Variants in GNA14 observed in about 807,000 individuals in gnomAD.
GNA14 encodes the protein guanine nucleotide-binding protein subunit alpha-14.
Under a neutral mutation model 42.0 loss-of-function variants are expected in GNA14, and 50 were observed. The observed-to-expected ratio is 1.19, with a 90% CI of 0.95 to 1.51. The LOEUF (loss-of-function observed/expected upper bound fraction) is 1.51. Ranked by LOEUF, GNA14 falls within the 40% of genes most tolerant of loss-of-function variation. GNA14 has a pLI of 0.00. For synonymous variants in GNA14, 173 were observed against 163.1 expected (o/e 1.06, Z -0.46); for missense variants, 473 against 446.2 (o/e 1.06, Z -0.54).
intron 2 of GNA14, among the ~76,000 whole-genome samples, chr9:77,444,401 A>G (rs1450106096): frequency 2.0e-5 from 3 of 152,192 alleles, no homozygotes; most frequent in Non-Finnish European, 4.4e-5. Context: ...AGGCACATGT[A>G]CAGATCTGTG....
intron 1 of GNA14, among the ~76,000 whole-genome samples, chr9:77,565,069 A>G (rs1337584256): frequency 1.3e-5 from 2 of 152,232 alleles, no homozygotes; most frequent in Non-Finnish European, 2.9e-5. Context: ...ACTTAACAGT[A>G]TGCCTCTGAG....
intron 1 of GNA14, among the ~76,000 whole-genome samples, chr9:77,553,260 A>C (rs1837807847): frequency 6.6e-6 from 1 of 152,158 alleles, no homozygotes; most frequent in South Asian, 2.1e-4. Flanking sequence ...TGCAAGAGAC[A>C]GGGAGAGAGT....
intron 2 of GNA14, among the ~76,000 whole-genome samples, chr9:77,493,136 G>A (rs1222019652): frequency 6.6e-6 from 1 of 150,646 alleles, no homozygotes; most frequent in Non-Finnish European, 1.5e-5. Context: ...GGGCACCGTG[G>A]GGCATAGGAC....
At chr9:77,543,636 T>C (rs1223522871) in intron 1 of GNA14, among the ~76,000 whole-genome samples, 2 of 152,206 alleles carry the variant, frequency 1.3e-5, no homozygotes, top group Non-Finnish European at 2.9e-5. Context: ...TGTGGAGCCC[T>C]GAGGGGATCA....
At position 77,423,970 on chromosome 9, in the gene GNA14, C is replaced by T. The variant is rs761981820; in HGVS notation, c.*9G>A. 6.4e-7 allele frequency: 1 copy of T among 1,564,700 alleles called. No individual in the cohort carries two copies. ...TCTTCTGTTATAGGGGAGGAGTGGG[C>T]AGCAGCTTTTAGACAAGGTTGAATT... On this transcript the variant is annotated 3_prime_UTR_variant, in exon 7 of 7. Transcript: ENST00000341700.
intron 2 of GNA14, among the ~76,000 whole-genome samples, chr9:77,495,018 T>C (rs1666195306): frequency 6.6e-6 from 1 of 152,210 alleles, no homozygotes; most frequent in Non-Finnish European, 1.5e-5. Context: ...CAGACTGGTC[T>C]TGAACTCCTG....
At chr9:77,608,698 T>A (rs1823677738) in intron 1 of GNA14, among the ~76,000 whole-genome samples, 1 of 151,526 alleles carries the variant, frequency 6.6e-6, no homozygotes, top group Non-Finnish European at 1.5e-5. Flanking sequence ...GGCCCCATCA[T>A]CCTATCCTGA....
chr9:77,467,351 G>A (rs938343111), intron 2 of GNA14, among the ~76,000 whole-genome samples: 5 of 151,816 alleles, frequency 3.3e-5, no homozygotes, highest in African/African-American at 1.2e-4. Flanking sequence ...AGATCTATGT[G>A]GCTTGGAGAA....
At chr9:77,480,299 T>C (rs1032167204) in intron 2 of GNA14, among the ~76,000 whole-genome samples, 1 of 152,216 alleles carries the variant, frequency 6.6e-6, no homozygotes, top group African/African-American at 2.4e-5. Flanking sequence ...TCTGCATCTA[T>C]TGAGATAATC....
At chr9:77,548,945 T>G (rs59756070) in intron 1 of GNA14, among the ~76,000 whole-genome samples, 32,505 of 151,912 alleles carry the variant, frequency 0.21, 3,996 homozygotes, top group African/African-American at 0.34. Flanking sequence ...CTTTTTTTTT[T>G]TCTTTTTTTT....
chr9:77,573,497 TAAAA>T (rs1564056899), intron 1 of GNA14, among the ~76,000 whole-genome samples: 1 of 151,726 alleles, frequency 6.6e-6, no homozygotes, highest in African/African-American at 2.4e-5. Context: ...AATAAATAAA[TAAAA>T]ATCTAGGTTT....
rs1823677634 is a variant in GNA14 at position 77,608,693 on chromosome 9, C to T, written c.124+38977G>A. Reference sequence around the variant, plus strand: ...AAGCATGTTCACAGCCAAATGGCCCCATCATCCTATCCTGACAATGTACGA... The same window carrying T: ...AAGCATGTTCACAGCCAAATGGCCCTATCATCCTATCCTGACAATGTACGA... On this transcript the variant is annotated intron_variant, in intron 1 of 6. Coordinates refer to ENST00000341700, the MANE Select transcript of GNA14 (RefSeq NM_004297.4). Among the ~76,000 whole-genome samples, 3 of 149,096 alleles carry T rather than the reference C, an allele frequency of 2.0e-5. No individual in the cohort carries two copies. The South Asian group carries it at 6.3e-4, about 31-fold the overall frequency.
chr9:77,606,843 G>A (rs1054044465), intron 1 of GNA14, among the ~76,000 whole-genome samples: 1 of 152,190 alleles, frequency 6.6e-6, no homozygotes, highest in African/African-American at 2.4e-5. Context: ...AGGCCTTTGG[G>A]AGGTAATTAG....
intron 2 of GNA14, among the ~76,000 whole-genome samples, chr9:77,463,094 C>T (rs1836143777): frequency 6.6e-6 from 1 of 152,200 alleles, no homozygotes; most frequent in African/African-American, 2.4e-5. Flanking sequence ...TCTTGATCCT[C>T]TGCTGCGAAT....
intron 5 of GNA14, among the ~76,000 whole-genome samples, chr9:77,426,429 C>T (rs1564010322): frequency 6.6e-6 from 1 of 152,092 alleles, no homozygotes; most frequent in Non-Finnish European, 1.5e-5. Context: ...CTCAGCCTCC[C>T]GAGTGGCTGG....
At chr9:77,604,932 T>C (rs1823625898) in intron 1 of GNA14, among the ~76,000 whole-genome samples, 1 of 152,194 alleles carries the variant, frequency 6.6e-6, no homozygotes, top group African/African-American at 2.4e-5. Context: ...CACTTTTTCT[T>C]ACCACCCTCG....
chr9:77,628,207 G>A (rs1824041603), intron 1 of GNA14, among the ~76,000 whole-genome samples: 1 of 152,074 alleles, frequency 6.6e-6, no homozygotes, highest in African/African-American at 2.4e-5. Context: ...ACCTCTTCAA[G>A]AGAACTACAA....
chr9:77,632,075 C>A lies in GNA14; in HGVS notation c.124+15595G>T, dbSNP rs944092045. 4.6e-5 allele frequency among the ~76,000 whole-genome samples: 7 copies of A among 152,122 alleles called. No homozygotes were observed. The East Asian group carries it at 1.2e-3, about 25-fold the overall frequency. On this transcript the variant is annotated intron_variant, in intron 1 of 6. Coordinates refer to ENST00000341700, the MANE Select transcript of GNA14 (RefSeq NM_004297.4). ...AAAACCACAGCTGCAGACCCAGGCA[C>A]CCCTATACCCTTGGCAGCCCAGGAA...
At chr9:77,619,116 T>C (rs1270578004) in intron 1 of GNA14, among the ~76,000 whole-genome samples, 1 of 152,092 alleles carries the variant, frequency 6.6e-6, no homozygotes, top group African/African-American at 2.4e-5. Context: ...TTGTTCAAAG[T>C]TCCACTGAAC....
Sources: allele counts gnomAD v4.1 joint callset (sites outside exome capture counted in the v4.1 genomes callset), GRCh38; gene constraint gnomAD v4.1.1; transcripts MANE v1.5; gene names NCBI Gene and HGNC (gene_info 2026-07-23, HGNC 2026-07-21).